The following RANBP2 variants were observed in gnomAD, a reference collection of about 807,000 sequenced individuals.
The protein encoded by RANBP2 is RAN binding protein 2.
A neutral mutation model predicts 303.6 loss-of-function variants in RANBP2; 57 were observed. The observed-to-expected ratio is 0.19, with a 90% confidence interval of 0.15 to 0.23. The LOEUF is 0.23. Ranked by LOEUF, RANBP2 falls within the 10% of genes least tolerant of loss-of-function variation. RANBP2 has a pLI of 1.00. For missense variants in RANBP2, 3,138 were observed against 3,780.8 expected (o/e 0.83, Z 4.46); for synonymous variants, 1,167 against 1,301.5 (o/e 0.90, Z 2.23).
chr2:109,376,683 A>G, the RANBP2 span, among the ~76,000 whole-genome samples: 1 of 152,228 alleles, frequency 6.6e-6, no homozygotes, highest in Non-Finnish European at 1.5e-5. Flanking sequence ...TGCTTTACTT[A>G]TCCTCAATAG....
chr2:109,043,072 G>GA, the RANBP2 span, among the ~76,000 whole-genome samples: 1 of 152,108 alleles, frequency 6.6e-6, no homozygotes, highest in African/African-American at 2.4e-5. Flanking sequence ...CAACATTTAT[G>GA]AAGCCCCAGC....
At chr2:109,096,930 A>T in the RANBP2 span, among the ~76,000 whole-genome samples, 1 of 152,002 alleles carries the variant, frequency 6.6e-6, no homozygotes, top group African/African-American at 2.4e-5. Context: ...GCACAAGAAG[A>T]CAGCTTTGAC....
At chr2:109,200,631 A>T in the RANBP2 span, among the ~76,000 whole-genome samples, 1 of 152,094 alleles carries the variant, frequency 6.6e-6, no homozygotes, top group Non-Finnish European at 1.5e-5. Context: ...AGCTTGTCCC[A>T]GCAGCCTGCC....
chr2:109,010,538 T>TC, the RANBP2 span, among the ~76,000 whole-genome samples: 2 of 152,172 alleles, frequency 1.3e-5, no homozygotes, highest in African/African-American at 4.8e-5. Flanking sequence ...TGCTGGCCGA[T>TC]TCAGTTCCCG....
the RANBP2 span, among the ~76,000 whole-genome samples, chr2:109,610,254 A>G: frequency 1.1e-4 from 17 of 152,132 alleles, no homozygotes; most frequent in Non-Finnish European, 2.2e-4. Flanking sequence ...AAGCCCAGCT[A>G]ATTTCCTGTA....
chr2:109,249,519 T>TTCTTTCTTTCTTTC, the RANBP2 span, among the ~76,000 whole-genome samples: 146 of 61,882 alleles, frequency 2.4e-3, 8 homozygotes, highest in Admixed American at 5.2e-3. Context: ...CATTCTTTCT[T>TTCTTTCTTTCTTTC]TTTCTTTCTT....
the RANBP2 span, among the ~76,000 whole-genome samples, chr2:109,393,192 C>T: frequency 0.1 from 15,751 of 152,222 alleles, 997 homozygotes; most frequent in Middle Eastern, 0.22. Flanking sequence ...TGGCCTCTGC[C>T]GCACTCAGCC....
the RANBP2 span, among the ~76,000 whole-genome samples, chr2:109,575,709 A>T: frequency 6.6e-6 from 1 of 152,232 alleles, no homozygotes; most frequent in Admixed American, 6.5e-5. Context: ...AAATAACAGC[A>T]AACAGTTCCC....
the RANBP2 span, among the ~76,000 whole-genome samples, chr2:109,702,690 A>G: frequency 6.6e-6 from 1 of 152,062 alleles, no homozygotes; most frequent in Non-Finnish European, 1.5e-5. Flanking sequence ...CCTCTGCAAC[A>G]TCGGAGGGTT....
chr2:108,780,749 G>A (rs185475874), intron 25 of RANBP2, among the ~76,000 whole-genome samples: 13 of 149,426 alleles, frequency 8.7e-5, no homozygotes, highest in Admixed American at 3.3e-4. Context: ...CACTCTTGTT[G>A]CCCAGGCTGG....
At chr2:108,815,706 T>C in the RANBP2 span, among the ~76,000 whole-genome samples, 1 of 152,002 alleles carries the variant, frequency 6.6e-6, no homozygotes, top group Admixed American at 6.6e-5. Flanking sequence ...CTTCAGGTGA[T>C]CCACCCACCT....
At chr2:109,478,367 A>C in the RANBP2 span, among the ~76,000 whole-genome samples, 1 of 152,140 alleles carries the variant, frequency 6.6e-6, no homozygotes, top group Non-Finnish European at 1.5e-5. Flanking sequence ...CTCAATTCCC[A>C]GTTACGTCTT....
intron 4 of RANBP2, 109 bp downstream of exon 4, chr2:108,731,583 C>A: frequency 1.3e-6 from 2 of 1,567,992 alleles, no homozygotes; most frequent in Non-Finnish European, 1.7e-6. Flanking sequence ...GTTAGTGTTT[C>A]CTTTAAAAAT....
At chr2:109,413,720 C>A in the RANBP2 span, among the ~76,000 whole-genome samples, 11 of 152,214 alleles carry the variant, frequency 7.2e-5, no homozygotes, top group Admixed American at 2.0e-4. Context: ...ATAGACATGT[C>A]ATGAGGGCCA....
rs1332511662 is a variant in RANBP2, at chr2:108,784,768, GAAATA to G, written c.*872_*876del. 1.3e-5 allele frequency: 2 copies of G among 152,522 alleles called. No homozygotes were observed. The highest frequency in any genetic ancestry group is 4.8e-5 in the African/African-American group (2 of 41,420). The allele number at this position is 152,522 out of a possible 1,614,324, so 9.4% of individuals were successfully genotyped here. A position where few individuals can be genotyped will look rare whatever the true frequency, so the allele number is the denominator to read the frequency against. On this transcript the variant is annotated 3_prime_UTR_variant, in exon 29 of 29. Transcript: ENST00000283195. ...CCTTTTTCTGGTAAATTTTGTAGCAGAAATAAAATGACAATTCCTAAGAGCCACTG... is the reference window on the plus strand; with the variant it reads ...CCTTTTTCTGGTAAATTTTGTAGCAGAAATGACAATTCCTAAGAGCCACTG...
At chr2:109,446,310 T>C in the RANBP2 span, among the ~76,000 whole-genome samples, 4 of 152,262 alleles carry the variant, frequency 2.6e-5, no homozygotes, top group Admixed American at 1.3e-4. Flanking sequence ...ATTCAAAAAA[T>C]GTACAGAGCA....
Position 108,766,348 on chromosome 2 carries a change from A to G in RANBP2, c.5809A>G (p.Ile1937Val). The change falls in exon 20 of 29, where the codon ATT (isoleucine) becomes GTT (valine). Residue 1937 changes from isoleucine (I) to valine (V), a missense_variant. Physicochemically the swap from Ile to Val is conservative, Grantham distance 29. Coordinates refer to ENST00000283195, the MANE Select transcript of RANBP2 (RefSeq NM_006267.5). The stretch of plus-strand genomic sequence containing the variant: ...TGGCCAGAAGAATGGCCGTGGTGTG[A>G]TTTTTGGCCAAACAAGTAGCACTTT... ...ISGQKNGRGV[I>V]FGQTSSTFTF... 10 of 1,611,976 alleles carry G rather than the reference A, an allele frequency of 6.2e-6. No individual in the cohort carries two copies. Among genetic ancestry groups the G allele is most frequent in the Non-Finnish European group, 8.5e-6 (10 of 1,179,852 alleles).
At chr2:109,587,634 C>T in the RANBP2 span, among the ~76,000 whole-genome samples, 51 of 152,278 alleles carry the variant, frequency 3.3e-4, no homozygotes, top group Admixed American at 2.8e-3. Context: ...AAACTTTAGG[C>T]CTGGTGTGGT....
At chr2:109,610,164 C>T in the RANBP2 span, among the ~76,000 whole-genome samples, 10 of 151,670 alleles carry the variant, frequency 6.6e-5, no homozygotes, top group Non-Finnish European at 1.3e-4. Flanking sequence ...TCTCAGCTTA[C>T]TGCAACCTCC....
Sources: gnomAD v4.1 joint callset for allele counts (sites outside exome capture counted in the v4.1 genomes callset) on GRCh38, gnomAD v4.1.1 for gene constraint, MANE v1.5 for transcripts, NCBI Gene and HGNC (gene_info 2026-07-23, HGNC 2026-07-21) for gene names.